CCDC32: variants seen among roughly 807,000 people sequenced by gnomAD.
CCDC32 encodes coiled-coil domain-containing protein 32.
A neutral mutation model predicts 20.1 loss-of-function variants in CCDC32; 9 were observed. The observed-to-expected ratio is 0.45, with a 90% CI of 0.27 to 0.78. CCDC32 has a LOEUF of 0.78. Ranked by LOEUF, CCDC32 falls within the 30% of genes least tolerant of loss-of-function variation. The pLI, the probability that CCDC32 is intolerant of heterozygous loss-of-function variation, is 0.16. For synonymous variants in CCDC32, 63 were observed against 79.0 expected (o/e 0.80, Z 1.07); for missense variants, 204 against 215.5 (o/e 0.95, Z 0.33).
At chr15:40,530,541 C>CTCTT, downstream of CCDC32, among the ~76,000 whole-genome samples, 1 of 149,760 alleles carries the variant, frequency 6.7e-6, no homozygotes, top group East Asian at 2.0e-4. Flanking sequence ...CTCTCTCTCT[C>CTCTT]TCTTGCTTGG....
chr15:40,539,227 C>A, downstream of CCDC32: 2 of 1,534,736 alleles, frequency 1.3e-6, no homozygotes, highest in Non-Finnish European at 1.7e-6. Context: ...CCTGGCCCGC[C>A]CTGGCTGTTA....
At chr15:40,540,370 C>CTTT (rs869261368) in intron 3 of CCDC32, among the ~76,000 whole-genome samples, 1 of 83,034 alleles carries the variant, frequency 1.2e-5, no homozygotes, top group African/African-American at 4.5e-5. Context: ...TTTTCTTTTT[C>CTTT]TTTTTTTTTT....
In CCDC32 at chr15:40,562,773, T is replaced by C; in HGVS notation, c.243A>G (p.Leu81=). 1 of 1,612,370 alleles carries C rather than the reference T, an allele frequency of 6.2e-7. No individual in the cohort carries two copies. Among genetic ancestry groups the C allele is most frequent in the Non-Finnish European group, 8.5e-7 (1 of 1,178,952 alleles). The change falls in exon 2 of 4, where the codon CTA becomes CTG. Residue 81 remains leucine, a splice_region_variant and synonymous_variant. Transcript: ENST00000416810. ...CTTCCCTAGAGCCGTCAAACTTACCTAGAGATGCTAAATACACTTCTGAAT... is the reference window on the plus strand; with the variant it reads ...CTTCCCTAGAGCCGTCAAACTTACCCAGAGATGCTAAATACACTTCTGAAT... The part of the protein sequence containing the change: ...LQDSEVYLAS[L]EKKLRRIKGL...
chr15:40,539,152 C>T (rs1480275379), downstream of CCDC32: 2 of 1,163,784 alleles, frequency 1.7e-6, no homozygotes, highest in Admixed American at 2.0e-5. Flanking sequence ...TGCTGTTTCT[C>T]CCCAGCTCCC....
downstream of CCDC32, among the ~76,000 whole-genome samples, chr15:40,525,502 T>C (rs1894890243): frequency 6.6e-6 from 1 of 152,164 alleles, no homozygotes; most frequent in African/African-American, 2.4e-5. Context: ...CTATGTTATG[T>C]CTCCTAAATT....
chr15:40,535,233 T>G, downstream of CCDC32: 1 of 1,410,090 alleles, frequency 7.1e-7, no homozygotes, highest in South Asian at 1.5e-5. Context: ...AGGAGACTTC[T>G]GCAGTAGTCT....
intron 2 of CCDC32, among the ~76,000 whole-genome samples, chr15:40,559,490 T>G (rs1189036396): frequency 6.6e-6 from 1 of 152,176 alleles, no homozygotes; most frequent in East Asian, 1.9e-4. Context: ...TTATCATCAT[T>G]AAACAGATGC....
chr15:40,553,744 A>T lies in CCDC32; in HGVS notation c.*227T>A. On this transcript the variant is annotated 3_prime_UTR_variant, in exon 4 of 4. Transcript: ENST00000416810. Reference sequence around the variant, plus strand: ...CAGTGTGCACTGGGTCAGTCACTTCATCCGAGACAGTCACACATGCCAGCC... The same window carrying T: ...CAGTGTGCACTGGGTCAGTCACTTCTTCCGAGACAGTCACACATGCCAGCC... The T allele has an allele frequency of 7.4e-7, 1 of 1,352,822 alleles. No individual in the cohort carries two copies. Among genetic ancestry groups the T allele is most frequent in the African/African-American group, 1.5e-5 (1 of 68,388 alleles). 83.8% of individuals were successfully genotyped at this position (1,352,822 alleles called of 1,614,324 possible).
At chr15:40,555,803 T>C (rs1367044937) in intron 3 of CCDC32, among the ~76,000 whole-genome samples, 1 of 152,248 alleles carries the variant, frequency 6.6e-6, no homozygotes, top group Non-Finnish European at 1.5e-5. Context: ...TCAACACCAA[T>C]GTCCATATGT....
chr15:40,535,658 C>T (rs1889078594), downstream of CCDC32: 1 of 985,106 alleles, frequency 1.0e-6, no homozygotes, highest in African/African-American at 1.7e-5. Flanking sequence ...ACACACCAGG[C>T]TCCTTGCTAA....
At chr15:40,550,723 T>G (rs1889817402), downstream of CCDC32, among the ~76,000 whole-genome samples, 1 of 152,236 alleles carries the variant, frequency 6.6e-6, no homozygotes, top group Non-Finnish European at 1.5e-5. Context: ...TGGGTTCCCT[T>G]CCGTGGAGTC....
downstream of CCDC32, chr15:40,552,972 A>G (rs1413743962): frequency 1.2e-5 from 3 of 255,948 alleles, no homozygotes; most frequent in Non-Finnish European, 1.8e-5. Context: ...CTGAGGGCAC[A>G]TGCTAATAAC....
chr15:40,553,178 A>G lies in CCDC32; in HGVS notation c.*793T>C. Reference sequence around the variant, plus strand: ...CAGGGAGGGAAGCTCGGGCTCAGCCAGGAAACCTGCCACAAGGAAGATGTT... The same window carrying G: ...CAGGGAGGGAAGCTCGGGCTCAGCCGGGAAACCTGCCACAAGGAAGATGTT... On this transcript the variant is annotated 3_prime_UTR_variant, in exon 4 of 4. Transcript: ENST00000416810. 2.0e-6 allele frequency: 2 copies of G among 985,502 alleles called. No individual in the cohort carries two copies. Among genetic ancestry groups the G allele is most frequent in the Non-Finnish European group, 2.4e-6 (2 of 829,982 alleles). The allele number at this position is 985,502 out of a possible 1,614,324, so 61.0% of individuals were successfully genotyped here.
At chr15:40,551,361 A>G (rs777498749), downstream of CCDC32, among the ~76,000 whole-genome samples, 2 of 152,014 alleles carry the variant, frequency 1.3e-5, no homozygotes, top group African/African-American at 2.4e-5. Flanking sequence ...CAGCCTGGGC[A>G]AGAGAGTGAG....
intron 3 of CCDC32, chr15:40,556,854 A>G (rs1300804434): frequency 1.2e-5 from 2 of 160,166 alleles, no homozygotes; most frequent in African/African-American, 4.8e-5. Flanking sequence ...AAAAAAAAAA[A>G]ATCTGTAAAG....
chr15:40,560,758 T>C (rs1356919802), intron 2 of CCDC32, among the ~76,000 whole-genome samples: 1 of 152,230 alleles, frequency 6.6e-6, no homozygotes, highest in Admixed American at 6.5e-5. Context: ...AGAATCCTTA[T>C]ACACTGCTGA....
chr15:40,537,964 G>C (rs1431608501), downstream of CCDC32: 1 of 152,164 alleles, frequency 6.6e-6, no homozygotes, highest in African/African-American at 2.4e-5. Flanking sequence ...AAAAAAGCTG[G>C]AGCTTCAGTA....
downstream of CCDC32, among the ~76,000 whole-genome samples, chr15:40,551,994 A>T (rs567419113): frequency 7.9e-5 from 12 of 151,888 alleles, no homozygotes; most frequent in Middle Eastern, 3.4e-3. Flanking sequence ...CTCTACAAAA[A>T]TTTTTTTTAA....
chr15:40,554,174 TTAA>T (rs1890080843), intron 3 of CCDC32, 47 bp from the exon 4 acceptor site: 1 of 1,565,522 alleles, frequency 6.4e-7, no homozygotes, highest in Admixed American at 1.9e-5. Context: ...ACCTCACTGA[TTAA>T]TTACTTAATG....
Sources: gnomAD v4.1 joint callset for allele counts (sites outside exome capture counted in the v4.1 genomes callset) on GRCh38, gnomAD v4.1.1 for gene constraint, MANE v1.5 for transcripts, NCBI Gene and HGNC (gene_info 2026-07-23, HGNC 2026-07-21) for gene names.